Variants in DPP10 observed in about 807,000 individuals in gnomAD.
DPP10 encodes the protein inactive dipeptidyl peptidase 10.
A neutral mutation model predicts 120.9 loss-of-function variants in DPP10; 33 were observed. The observed-to-expected ratio is 0.27, with a 90% CI of 0.21 to 0.37. The LOEUF is 0.37. Among genes scored for constraint, DPP10 ranks in the 10% least tolerant of loss-of-function variants. The probability of loss-of-function intolerance (pLI) is 1.00; values close to 1 mark genes in which losing one functional copy is unlikely to be tolerated. For missense variants in DPP10, 816 were observed against 942.8 expected, an observed-to-expected ratio of 0.87 and a Z score of 1.76; for synonymous variants, 337 against 326.1, an observed-to-expected ratio of 1.03 and a Z score of -0.36.
chr2:115,410,530 T>C (rs2068868530), intron 3 of DPP10, among the ~76,000 whole-genome samples: 1 of 152,180 alleles, frequency 6.6e-6, no homozygotes, highest in African/African-American at 2.4e-5. Context: ...TTGGGCTGAA[T>C]ACCTAGATGA....
At chr2:115,027,277 C>T (rs187103390) in intron 1 of DPP10, among the ~76,000 whole-genome samples, 60 of 152,186 alleles carry the variant, frequency 3.9e-4, no homozygotes, top group African/African-American at 1.2e-3. Flanking sequence ...AAGTCATCTG[C>T]GCATAAAGCC....
chr2:115,484,263 T>C (rs2105294756), intron 3 of DPP10, among the ~76,000 whole-genome samples: 1 of 151,868 alleles, frequency 6.6e-6, no homozygotes, highest in South Asian at 2.1e-4. Context: ...TTTTTTTTTT[T>C]TACAAATAAT....
At chr2:115,102,266 A>G (rs1394590826) in intron 1 of DPP10, among the ~76,000 whole-genome samples, 5 of 152,178 alleles carry the variant, frequency 3.3e-5, no homozygotes, top group Admixed American at 2.0e-4. Context: ...TCCAACCCTC[A>G]TGACCATATA....
At position 115,248,675 on chromosome 2, in the gene DPP10, T is replaced by C. The variant is rs536194618; in HGVS notation, c.61-60564T>C. Among the ~76,000 whole-genome samples, 18 of 152,250 alleles carry C rather than the reference T, an allele frequency of 1.2e-4. No homozygotes were observed. The South Asian group carries it at 2.3e-3, about 19-fold the overall frequency. ...GGGGTAAAGGGTAGCAAACTGATAA[T>C]GGAAAGGAAGAGTGGTGCTACTTTC... is the stretch of plus-strand genomic sequence containing the variant. On this transcript the variant is annotated intron_variant, in intron 1 of 25. Transcript: ENST00000410059.
chr2:115,351,506 A>T (rs2064033183), intron 3 of DPP10, among the ~76,000 whole-genome samples: 1 of 151,902 alleles, frequency 6.6e-6, no homozygotes, highest in Non-Finnish European at 1.5e-5. Flanking sequence ...CCACACATAT[A>T]CCCCCAAATC....
At chr2:114,864,126 G>T (rs910045262) in intron 1 of DPP10, among the ~76,000 whole-genome samples, 2 of 152,154 alleles carry the variant, frequency 1.3e-5, no homozygotes, top group Admixed American at 6.6e-5. Flanking sequence ...CAGAAATGTC[G>T]AATACAGATT....
chr2:115,374,172 G>A (rs1239092428), intron 3 of DPP10, among the ~76,000 whole-genome samples: 1 of 152,088 alleles, frequency 6.6e-6, no homozygotes, highest in African/African-American at 2.4e-5. Context: ...ATCCCCCAGT[G>A]TCTTAACTCA....
At chr2:115,405,252 C>T (rs2068421757) in intron 3 of DPP10, among the ~76,000 whole-genome samples, 1 of 152,190 alleles carries the variant, frequency 6.6e-6, no homozygotes, top group African/African-American at 2.4e-5. Context: ...AAAGAAAAAT[C>T]AGCCCAAAGT....
chr2:114,914,732 T>G (rs1206957086), intron 1 of DPP10, among the ~76,000 whole-genome samples: 1 of 152,114 alleles, frequency 6.6e-6, no homozygotes, highest in African/African-American at 2.4e-5. Flanking sequence ...GGCTAACTGC[T>G]CCACTTAAAG....
intron 1 of DPP10, among the ~76,000 whole-genome samples, chr2:115,171,567 T>G (rs2053338671): frequency 6.6e-6 from 1 of 152,014 alleles, no homozygotes; most frequent in Non-Finnish European, 1.5e-5. Context: ...AAGTGACTTG[T>G]CTAAGGTCAC....
chr2:115,451,089 A>G (rs2073071632), intron 3 of DPP10, among the ~76,000 whole-genome samples: 1 of 151,808 alleles, frequency 6.6e-6, no homozygotes, highest in South Asian at 2.1e-4. Context: ...CTCCAAAGCC[A>G]GTGTTTGTTT....
chr2:114,556,943 G>A (rs1688361143), intron 1 of DPP10, among the ~76,000 whole-genome samples: 1 of 151,276 alleles, frequency 6.6e-6, no homozygotes, highest in African/African-American at 2.4e-5. Flanking sequence ...AAACCAACTG[G>A]AGTGGGGTGA....
intron 1 of DPP10, among the ~76,000 whole-genome samples, chr2:114,523,406 C>A (rs1451718808): frequency 6.6e-6 from 1 of 152,202 alleles, no homozygotes; most frequent in Non-Finnish European, 1.5e-5. Flanking sequence ...GCACCCACAG[C>A]AGCAGGGGTC....
At chr2:114,729,487 G>T (rs559728628) in intron 1 of DPP10, among the ~76,000 whole-genome samples, 1 of 152,352 alleles carries the variant, frequency 6.6e-6, no homozygotes, top group East Asian at 1.9e-4. Context: ...AAAATGAAGA[G>T]CAAGGCCCTG....
intron 1 of DPP10, among the ~76,000 whole-genome samples, chr2:115,001,115 C>T (rs1447505644): frequency 1.3e-5 from 2 of 152,128 alleles, no homozygotes; most frequent in Non-Finnish European, 2.9e-5. Context: ...AATTAACATT[C>T]TTTGTATTGT....
chr2:115,546,534 T>C (rs1306836267), intron 5 of DPP10, among the ~76,000 whole-genome samples: 1 of 152,180 alleles, frequency 6.6e-6, no homozygotes, highest in African/African-American at 2.4e-5. Context: ...ATTCCTCATT[T>C]ATTTTCATGC....
intron 3 of DPP10, among the ~76,000 whole-genome samples, chr2:115,392,633 A>T (rs557159133): frequency 6.6e-6 from 1 of 152,238 alleles, no homozygotes; most frequent in Non-Finnish European, 1.5e-5. Flanking sequence ...TGGATTCAGG[A>T]CAGATGATTA....
intron 1 of DPP10, among the ~76,000 whole-genome samples, chr2:114,866,448 T>C (rs1016355151): frequency 6.6e-6 from 1 of 152,168 alleles, no homozygotes; most frequent in Non-Finnish European, 1.5e-5. Context: ...TAACTTACAA[T>C]AGTTAGGTTG....
At chr2:114,654,699 G>A (rs1696845212) in intron 1 of DPP10, among the ~76,000 whole-genome samples, 1 of 151,556 alleles carries the variant, frequency 6.6e-6, no homozygotes, top group African/African-American at 2.4e-5. Context: ...GGCCTTTATT[G>A]CTGCATTGTC....
Sources: gnomAD v4.1 joint callset for allele counts (sites outside exome capture counted in the v4.1 genomes callset) on GRCh38, gnomAD v4.1.1 for gene constraint, MANE v1.5 for transcripts, NCBI Gene and HGNC (gene_info 2026-07-23, HGNC 2026-07-21) for gene names.